Variants in MAGEB2 observed in about 807,000 individuals in gnomAD.
The protein encoded by MAGEB2 is MAGE family member B2.
For synonymous variants in MAGEB2, 107 were observed against 96.2 expected (o/e 1.11, Z -0.66); for missense variants, 365 against 243.2 (o/e 1.50, Z -3.33).
chrX:30,219,380 A>G lies in MAGEB2; in HGVS notation c.800A>G (p.Asp267Gly). 2.5e-6 allele frequency: 3 copies of G among 1,211,832 alleles called. No homozygotes were observed. Among genetic ancestry groups the G allele is most frequent in the East Asian group, 3.0e-5 (1 of 33,859 alleles). ...GAGTACAAGCAGGTGCCCAGCAGTG[A>G]TCCCCCACGCTTTCAATTCCTGTGG... ...YLEYKQVPSS[D>G]PPRFQFLWGP... The change falls in exon 2 of 2, where the codon GAT becomes GGT. Residue 267 changes from aspartate to glycine, a missense_variant. Transcript: ENST00000378988.
rs1311150641 is a variant in MAGEB2 at position 30,215,599 on chromosome X, G to A, written c.-62G>A. 1 of 110,949 alleles carries A rather than the reference G, an allele frequency of 9.0e-6. No individual in the cohort carries two copies. Among genetic ancestry groups the A allele is most frequent in the Non-Finnish European group, 1.9e-5 (1 of 52,913 alleles). The allele number at this position is 110,949 out of a possible 1,213,427, so 9.1% of individuals were successfully genotyped here. On this transcript the variant is annotated 5_prime_UTR_variant, in exon 1 of 2. Coordinates refer to ENST00000378988, the MANE Select transcript of MAGEB2 (RefSeq NM_002364.5). ...GGAGGCGAGGACCCGAGCGAGTGTAGGGGGTGCGGCGTCTGGTCAGCCAGG... is the reference window on the plus strand; with the variant it reads ...GGAGGCGAGGACCCGAGCGAGTGTAAGGGGTGCGGCGTCTGGTCAGCCAGG...
In MAGEB2 at chrX:30,219,541, G is replaced by A; in HGVS notation, c.*1G>A. 2 of 1,192,918 alleles carry A rather than the reference G, an allele frequency of 1.7e-6. No individual in the cohort carries two copies. The highest frequency in any genetic ancestry group is 2.3e-6 in the Non-Finnish European group (2 of 885,704). ...AGATGAAGAGAAAGCCGGAGTCTGA[G>A]CCAGAGTTGTAGCCAGGCCTTGCAC... On this transcript the variant is annotated 3_prime_UTR_variant, in exon 2 of 2. Transcript: ENST00000378988.
intron 1 of MAGEB2, among the ~76,000 whole-genome samples, chrX:30,218,053 A>G (rs1924447928): frequency 9.0e-6 from 1 of 111,511 alleles, no homozygotes; most frequent in Non-Finnish European, 1.9e-5. Flanking sequence ...TGAAGACTCT[A>G]ATGATTCCAA....
rs1246993608 is a variant in MAGEB2, at chrX:30,219,152, C to A, written c.572C>A (p.Ser191Tyr). The change falls in exon 2 of 2, where the codon TCC (serine) becomes TAC (tyrosine). Residue 191 changes from serine (S) to tyrosine (Y), a missense_variant. Physicochemically the swap from Ser to Tyr is moderately radical, Grantham distance 144. Coordinates refer to ENST00000378988, the MANE Select transcript of MAGEB2 (RefSeq NM_002364.5). Reference protein sequence around the residue: ...IDKVDLTDEESLLSSWDFPRR... With the variant: ...IDKVDLTDEEYLLSSWDFPRR... ...AAGGTAGACCTCACTGATGAGGAAT[C>A]CCTGCTCAGTTCCTGGGACTTTCCC... The A allele has an allele frequency of 8.3e-7, 1 of 1,210,611 alleles. No individual in the cohort carries two copies. The highest frequency in any genetic ancestry group is 2.2e-5 in the Admixed American group (1 of 45,993).
Position 30,218,813 on chromosome X carries a change from C to T in MAGEB2, c.233C>T (p.Ser78Phe). 1 of 1,190,688 alleles carries T rather than the reference C, an allele frequency of 8.4e-7. No homozygotes were observed. The highest frequency in any genetic ancestry group is 1.1e-6 in the Non-Finnish European group (1 of 884,190). ...GCTGCTGCGGCTGCGGGTGTTTCAT[C>T]CACAAAATCTAAAAAAGGTGCCAAG... is the stretch of plus-strand genomic sequence containing the variant. ...TAAAAAAGVS[S>F]TKSKKGAKSH... Residue 78 changes from serine (S) to phenylalanine (F), a missense_variant, in exon 2 of 2, where the codon TCC becomes TTC. Transcript: ENST00000378988.
In MAGEB2 at chrX:30,219,235, A is replaced by C; in HGVS notation, c.655A>C (p.Thr219Pro). 5.0e-6 allele frequency: 6 copies of C among 1,211,117 alleles called. No homozygotes were observed. The highest frequency in any genetic ancestry group is 5.6e-6 in the Non-Finnish European group (5 of 895,094). ...GVIFLNGNSATEEEIWEFLNM... is the reference protein window; with the variant it reads ...GVIFLNGNSAPEEEIWEFLNM... Reference sequence around the variant, plus strand: ...GATCTTCTTAAATGGCAACTCAGCTACTGAGGAAGAGATCTGGGAATTCCT... The same window carrying C: ...GATCTTCTTAAATGGCAACTCAGCTCCTGAGGAAGAGATCTGGGAATTCCT... Residue 219 changes from threonine (T) to proline (P), a missense_variant, in exon 2 of 2, where the codon ACT (threonine) becomes CCT (proline). Transcript: ENST00000378988.
In MAGEB2 at chrX:30,216,953, TATG is replaced by T. The variant is rs777365702; in HGVS notation, c.-6+1301_-6+1303del. On this transcript the variant is annotated intron_variant, in intron 1 of 1. Transcript: ENST00000378988. ...AGGGTTTCCAGGTTGTGCCAGATGT[TATG>T]ATAAGAACTCTGACGACTGCAGGGG... Among the ~76,000 whole-genome samples the T allele has an allele frequency of 5.6e-5, 6 of 107,442 alleles. No individual in the cohort carries two copies. In the South Asian group the frequency reaches 2.5e-3, roughly 45 times the overall value. 93.3% of individuals were successfully genotyped at this position (107,442 alleles called of 115,157 possible). A position where few individuals can be genotyped will look rare whatever the true frequency, so the allele number is the denominator to read the frequency against.
Position 30,219,012 on chromosome X carries a change from G to T in MAGEB2, c.432G>T (p.Arg144Ser), listed in dbSNP as rs368299444. ...AAATGCTGAAAATTGTTGGCAAAAG[G>T]TTCAGGGAGCACTTCCCTGAGATCC... is the stretch of plus-strand genomic sequence containing the variant. ...KGEMLKIVGKRFREHFPEILK... is the reference protein window; with the variant it reads ...KGEMLKIVGKSFREHFPEILK... The change falls in exon 2 of 2, where the codon AGG (arginine) becomes AGT (serine). Residue 144 changes from arginine to serine, a missense_variant. Coordinates refer to ENST00000378988, the MANE Select transcript of MAGEB2 (RefSeq NM_002364.5). 6.6e-6 allele frequency: 8 copies of T among 1,209,183 alleles called. No individual in the cohort carries two copies. In the Admixed American group the frequency reaches 1.1e-4, roughly 17 times the overall value.
chrX:30,216,236 C>T (rs1601954517), intron 1 of MAGEB2, among the ~76,000 whole-genome samples: 1 of 111,989 alleles, frequency 8.9e-6, no homozygotes, highest in South Asian at 3.8e-4. Flanking sequence ...AACCTGACTT[C>T]CTCTCCCGGG....
chrX:30,219,395 A>C lies in MAGEB2; in HGVS notation c.815A>C (p.Gln272Pro), dbSNP rs1249814063. The C allele has an allele frequency of 8.3e-7, 1 of 1,211,772 alleles. No homozygotes were observed. The highest frequency in any genetic ancestry group is 1.1e-6 in the Non-Finnish European group (1 of 895,316). The change falls in exon 2 of 2, where the codon CAA (glutamine) becomes CCA (proline). Residue 272 changes from glutamine to proline, a missense_variant. By Grantham distance (76) the Gln-to-Pro change is moderately conservative (BLOSUM62 -1). Transcript: ENST00000378988. ...QVPSSDPPRF[Q>P]FLWGPRAYAE... is the part of the protein sequence containing the mutation. ...CCCAGCAGTGATCCCCCACGCTTTC[A>C]ATTCCTGTGGGGTCCGAGAGCCTAT...
rs1924523551 is a variant in MAGEB2 at position 30,219,851 on chromosome X, A to G, written c.*311A>G. 1 of 179,687 alleles carries G rather than the reference A, an allele frequency of 5.6e-6. No individual in the cohort carries two copies. The highest frequency in any genetic ancestry group is 1.1e-5 in the Non-Finnish European group (1 of 89,790). 14.8% of individuals were successfully genotyped at this position (179,687 alleles called of 1,213,427 possible). A position where few individuals can be genotyped will look rare whatever the true frequency, so the allele number is the denominator to read the frequency against. On this transcript the variant is annotated 3_prime_UTR_variant, in exon 2 of 2. Transcript: ENST00000378988. ...TTTTGTTTTTTGAGTGAAACAACTT[A>G]TTAATAAAAATCCTTAAATCACTTT...
In MAGEB2 at chrX:30,219,348, A is replaced by G; in HGVS notation, c.768A>G (p.Lys256=). Residue 256 remains lysine, a synonymous_variant, in exon 2 of 2, where the codon AAA becomes AAG. Transcript: ENST00000378988. ...KLITKDLVQE[K]YLEYKQVPSS... ...TCACCAAAGATCTGGTGCAGGAAAAATATCTGGAGTACAAGCAGGTGCCCA... is the reference window on the plus strand; with the variant it reads ...TCACCAAAGATCTGGTGCAGGAAAAGTATCTGGAGTACAAGCAGGTGCCCA... The G allele has an allele frequency of 9.1e-6, 11 of 1,211,695 alleles. No individual in the cohort carries two copies. The highest frequency in any genetic ancestry group is 8.9e-5 in the East Asian group (3 of 33,865).
At chrX:30,215,856 C>T (rs865967233) in intron 1 of MAGEB2, among the ~76,000 whole-genome samples, 2 of 111,255 alleles carry the variant, frequency 1.8e-5, no homozygotes, top group South Asian at 3.8e-4. Flanking sequence ...GGGAATAGGC[C>T]TCATTCTGCA....
At chrX:30,216,859 T>G in intron 1 of MAGEB2, among the ~76,000 whole-genome samples, 1 of 90,691 alleles carries the variant, frequency 1.1e-5, no homozygotes, top group Non-Finnish European at 2.1e-5. Context: ...CAGTCCGGCC[T>G]AGGCGAAAGG....
chrX:30,216,725 CA>C (rs35880870), intron 1 of MAGEB2, among the ~76,000 whole-genome samples: 21,960 of 103,917 alleles, frequency 0.21, 2,942 homozygotes, highest in African/African-American at 0.47. Flanking sequence ...CTAAAAATAC[CA>C]AAAAAAAAAT....
In MAGEB2 at chrX:30,218,615, G is replaced by C; in HGVS notation, c.35G>C (p.Arg12Pro). 8.3e-7 allele frequency: 1 copy of C among 1,210,308 alleles called. No individual in the cohort carries two copies. The highest frequency in any genetic ancestry group is 1.1e-6 in the Non-Finnish European group (1 of 894,762). ...GGTCAGAAGAGTAAGCTCCGTGCCC[G>C]TGAGAAACGCCGCAAGGCCCGAGAT... is the stretch of plus-strand genomic sequence containing the variant. Reference protein sequence around the residue: ...PRGQKSKLRAREKRRKARDET... With the variant: ...PRGQKSKLRAPEKRRKARDET... The change falls in exon 2 of 2, where the codon CGT (arginine) becomes CCT (proline). Residue 12 changes from arginine (R) to proline (P), a missense_variant. Physicochemically the swap from Arg to Pro is moderately radical, Grantham distance 103. Transcript: ENST00000378988.
rs1569250137 is a variant in MAGEB2 at position 30,219,086 on chromosome X, A to AT, written c.507dup (p.Lys170Ter). The AT allele has an allele frequency of 1.7e-6, 2 of 1,210,659 alleles. No homozygotes were observed. ...AGTGTTGTCTTTGGCCTTGAGCTGA[A>AT]TAAAGTCAACCCCAACGGCCACACT... On this transcript the variant is annotated frameshift_variant, in exon 2 of 2. Transcript: ENST00000378988. LOFTEE classifies it low-confidence loss of function (END_TRUNC).
In MAGEB2 at chrX:30,219,334, C is replaced by T; in HGVS notation, c.754C>T (p.Leu252=). Residue 252 remains leucine (L), a synonymous_variant, in exon 2 of 2, where the codon CTG becomes TTG. Coordinates refer to ENST00000378988, the MANE Select transcript of MAGEB2 (RefSeq NM_002364.5). ...ACCCTGGAAGCTCATCACCAAAGAT[C>T]TGGTGCAGGAAAAATATCTGGAGTA... The part of the protein sequence containing the change: ...GEPWKLITKD[L]VQEKYLEYKQ... The T allele has an allele frequency of 8.3e-7, 1 of 1,211,330 alleles. No homozygotes were observed. Among genetic ancestry groups the T allele is most frequent in the Non-Finnish European group, 1.1e-6 (1 of 894,990 alleles).
In MAGEB2 at chrX:30,219,188, T is replaced by G; in HGVS notation, c.608T>G (p.Leu203Arg). ...LSSWDFPRRK[L>R]LMPLLGVIFL... The stretch of plus-strand genomic sequence containing the variant: ...TCCTGGGACTTTCCCAGGAGAAAGC[T>G]TCTGATGCCTCTCCTGGGTGTGATC... Residue 203 changes from leucine (L) to arginine (R), a missense_variant, in exon 2 of 2, where the codon CTT (leucine) becomes CGT (arginine). Coordinates refer to ENST00000378988, the MANE Select transcript of MAGEB2 (RefSeq NM_002364.5). The G allele has an allele frequency of 8.3e-7, 1 of 1,210,672 alleles. No individual in the cohort carries two copies. The highest frequency in any genetic ancestry group is 1.1e-6 in the Non-Finnish European group (1 of 894,886).
Sources: allele counts gnomAD v4.1 joint callset (sites outside exome capture counted in the v4.1 genomes callset), GRCh38; gene constraint gnomAD v4.1.1; transcripts MANE v1.5; gene names NCBI Gene and HGNC (gene_info 2026-07-23, HGNC 2026-07-21).